RNF157: variants seen among roughly 807,000 people sequenced by gnomAD.
RNF157 encodes ring finger protein 157, also known as E3 ubiquitin ligase RNF157.
In RNF157, 55 loss-of-function variants were observed where a neutral mutation model predicts 88.3. The observed-to-expected ratio is 0.62, with a 90% CI of 0.50 to 0.78. The LOEUF is 0.78. Among genes scored for constraint, RNF157 ranks in the 30% least tolerant of loss-of-function variants. RNF157 has a pLI of 0.00. For synonymous variants in RNF157, 334 were observed against 341.2 expected, an observed-to-expected ratio of 0.98 and a Z score of 0.23; for missense variants, 788 against 860.8, an observed-to-expected ratio of 0.92 and a Z score of 1.06.
intron 3 of RNF157, among the ~76,000 whole-genome samples, chr17:76,169,560 C>G (rs2068980943): frequency 6.6e-6 from 1 of 151,462 alleles, no homozygotes; most frequent in African/African-American, 2.4e-5. Context: ...GTGTGAGCCA[C>G]CACACCCGGC....
chr17:76,145,616 T>C, intron 18 of RNF157: 1 of 407,180 alleles, frequency 2.5e-6, no homozygotes, highest in Non-Finnish European at 4.4e-6. Context: ...TGAAAGATGT[T>C]CCTTGTTTTG....
chr17:76,148,367 C>T (rs1168681942), intron 18 of RNF157, among the ~76,000 whole-genome samples: 4 of 148,582 alleles, frequency 2.7e-5, no homozygotes, highest in African/African-American at 7.5e-5. Flanking sequence ...CCCGGGTTCA[C>T]GCCATTCTAC....
intron 1 of RNF157, among the ~76,000 whole-genome samples, chr17:76,228,678 T>C (rs1010471458): frequency 6.6e-6 from 1 of 152,248 alleles, no homozygotes. Flanking sequence ...ATCCCAGCAC[T>C]TTGGGAGGCT....
At chr17:76,212,977 C>A (rs1235168978) in intron 1 of RNF157, among the ~76,000 whole-genome samples, 1 of 152,160 alleles carries the variant, frequency 6.6e-6, no homozygotes, top group Non-Finnish European at 1.5e-5. Flanking sequence ...AAAATCATAG[C>A]AGGGAAAACC....
chr17:76,220,107 C>G (rs1598439407), intron 1 of RNF157, among the ~76,000 whole-genome samples: 1 of 152,038 alleles, frequency 6.6e-6, no homozygotes, highest in East Asian at 1.9e-4. Context: ...CCGCTAGCAT[C>G]CAGCCTGTAA....
In RNF157 at chr17:76,161,837, G is replaced by T; in HGVS notation, c.952+6C>A. The T allele has an allele frequency of 6.2e-7, 1 of 1,613,640 alleles. No homozygotes were observed. The highest frequency in any genetic ancestry group is 8.5e-7 in the Non-Finnish European group (1 of 1,179,660). Reference sequence around the variant, plus strand: ...CCACCAGTCCCCCTGCCGCTCTGGGGCTTACGCAGTCGGCAGATGGGGCAG... The same window carrying T: ...CCACCAGTCCCCCTGCCGCTCTGGGTCTTACGCAGTCGGCAGATGGGGCAG... On this transcript the variant is annotated splice_donor_region_variant and intron_variant, in intron 10 of 18. Transcript: ENST00000269391. This position sits in a 1 kb window ranked among gnomAD's most constrained non-coding sequence, Gnocchi z 4.6.
At chr17:76,211,925 T>C (rs958739190) in intron 2 of RNF157, 15 of 153,570 alleles carry the variant, frequency 9.8e-5, no homozygotes, top group Non-Finnish European at 7.2e-5. Flanking sequence ...TAACATTACG[T>C]GCCAGGCTTT....
At chr17:76,188,147 T>C (rs2069324340) in intron 2 of RNF157, among the ~76,000 whole-genome samples, 1 of 152,204 alleles carries the variant, frequency 6.6e-6, no homozygotes, top group South Asian at 2.1e-4. Flanking sequence ...AGACCGGATA[T>C]AGTGAAATGC....
intron 2 of RNF157, among the ~76,000 whole-genome samples, chr17:76,209,782 C>T (rs540645589): frequency 4.6e-5 from 7 of 152,158 alleles, no homozygotes; most frequent in East Asian, 1.9e-4. Flanking sequence ...TTTTTTGAGA[C>T]GGAGTCTCAC....
At chr17:76,154,583 C>T (rs1029119724) in intron 16 of RNF157, 19 of 431,816 alleles carry the variant, frequency 4.4e-5, no homozygotes, top group African/African-American at 3.9e-4. Context: ...CAGGAACACC[C>T]TTGTTAATAG....
intron 3 of RNF157, among the ~76,000 whole-genome samples, chr17:76,171,573 T>C (rs1377362734): frequency 6.6e-6 from 1 of 152,228 alleles, no homozygotes; most frequent in Non-Finnish European, 1.5e-5. Flanking sequence ...CCTCCATCTT[T>C]ACCTGGAAAT....
chr17:76,205,244 TC>T (rs1469297411), intron 2 of RNF157, among the ~76,000 whole-genome samples: 2 of 151,608 alleles, frequency 1.3e-5, no homozygotes, highest in Admixed American at 1.3e-4. Context: ...GCTCAAGTAA[TC>T]CTCTAGCCTC....
chr17:76,212,140 G>T, intron 2 of RNF157: 1 of 448,276 alleles, frequency 2.2e-6, no homozygotes, highest in Non-Finnish European at 4.0e-6. Flanking sequence ...AGCTTAATTT[G>T]TGAGACTCAT....
At chr17:76,147,464 C>G (rs899648973) in intron 18 of RNF157, 6 of 327,442 alleles carry the variant, frequency 1.8e-5, no homozygotes, top group Middle Eastern at 9.2e-4. Context: ...AGAGAGCTGT[C>G]CTGACTCTGA....
chr17:76,162,752 G>T, intron 8 of RNF157, 129 bp from the exon 9 acceptor site: 2 of 545,748 alleles, frequency 3.7e-6, no homozygotes, highest in Non-Finnish European at 6.3e-6. Flanking sequence ...AAAATCAAAG[G>T]CCTGGATAAG....
At chr17:76,215,054 TA>T (rs1445218173) in intron 1 of RNF157, among the ~76,000 whole-genome samples, 2 of 152,160 alleles carry the variant, frequency 1.3e-5, no homozygotes, top group African/African-American at 2.4e-5. Context: ...TTTCTGAAAT[TA>T]ACACAAGGAA....
intron 8 of RNF157, 111 bp downstream of exon 8, chr17:76,164,637 A>G (rs1598396636): frequency 3.7e-6 from 2 of 542,174 alleles, no homozygotes; most frequent in Non-Finnish European, 6.3e-6. Flanking sequence ...GGAAAAGGAG[A>G]GAGCAAAAAG....
At chr17:76,151,655 G>A (rs2068679902) in intron 18 of RNF157, among the ~76,000 whole-genome samples, 1 of 152,228 alleles carries the variant, frequency 6.6e-6, no homozygotes, top group Non-Finnish European at 1.5e-5. Flanking sequence ...AAGGCACTCG[G>A]TGCTTAAAGT....
At chr17:76,180,614 G>A (rs2069174040) in intron 2 of RNF157, among the ~76,000 whole-genome samples, 1 of 152,102 alleles carries the variant, frequency 6.6e-6, no homozygotes, top group Non-Finnish European at 1.5e-5. Flanking sequence ...TCGTAGAGAT[G>A]GGGTTTTACT....
Sources: allele counts gnomAD v4.1 joint callset (sites outside exome capture counted in the v4.1 genomes callset), GRCh38; gene constraint gnomAD v4.1.1; non-coding constraint Gnocchi (gnomAD v3.1); transcripts MANE v1.5; gene names NCBI Gene and HGNC (gene_info 2026-07-23, HGNC 2026-07-21).